The following AGBL4 variants were observed in gnomAD, a reference collection of about 807,000 sequenced individuals.
AGBL4 encodes the protein cytosolic carboxypeptidase 6.
Under a neutral mutation model 66.4 loss-of-function variants are expected in AGBL4, and 58 were observed. The ratio of observed to expected loss-of-function variants is 0.87; its 90% CI spans 0.71 to 1.09. The LOEUF (loss-of-function observed/expected upper bound fraction) is 1.09, where lower values mean the gene tolerates loss of function less well. Among genes scored for constraint, AGBL4 ranks in the 50% least tolerant of loss-of-function variants. The pLI, the probability that AGBL4 is intolerant of heterozygous loss-of-function variation, is 0.00. For synonymous variants in AGBL4, 234 were observed against 222.9 expected (o/e 1.05, Z -0.44); for missense variants, 579 against 631.0 (o/e 0.92, Z 0.88).
At chr1:48,959,228 G>A (rs1657752330) in intron 5 of AGBL4, among the ~76,000 whole-genome samples, 1 of 152,060 alleles carries the variant, frequency 6.6e-6, no homozygotes, top group Non-Finnish European at 1.5e-5. Flanking sequence ...GCATAAATTG[G>A]AGATTATAAT....
chr1:48,602,137 T>C (rs76373270), intron 9 of AGBL4, among the ~76,000 whole-genome samples: 4,681 of 152,176 alleles, frequency 0.031, 168 homozygotes, highest in African/African-American at 0.095. Context: ...TCTCAGGAGA[T>C]TGCTAGCTGG....
intron 6 of AGBL4, among the ~76,000 whole-genome samples, chr1:48,832,896 C>A (rs1444962118): frequency 6.6e-6 from 1 of 152,158 alleles, no homozygotes; most frequent in East Asian, 1.9e-4. Context: ...GTTCTCAGAC[C>A]TTTGGACTTG....
chr1:49,685,689 T>G (rs922395015), intron 3 of AGBL4, among the ~76,000 whole-genome samples: 5 of 152,180 alleles, frequency 3.3e-5, no homozygotes, highest in African/African-American at 1.2e-4. Flanking sequence ...TTGTTGGCCC[T>G]TTGTATGTCT....
At chr1:49,214,558 G>A (rs976201441) in intron 4 of AGBL4, among the ~76,000 whole-genome samples, 10 of 152,116 alleles carry the variant, frequency 6.6e-5, no homozygotes, top group African/African-American at 1.9e-4. Context: ...GTCTTATCCA[G>A]TCCTGTGGAA....
intron 5 of AGBL4, among the ~76,000 whole-genome samples, chr1:49,037,669 C>T (rs888094717): frequency 5.3e-5 from 8 of 152,068 alleles, no homozygotes; most frequent in South Asian, 2.1e-4. Flanking sequence ...CTTAAGACTT[C>T]GTTCACTCCC....
chr1:48,772,395 C>T (rs1644880012), intron 6 of AGBL4, among the ~76,000 whole-genome samples: 1 of 152,180 alleles, frequency 6.6e-6, no homozygotes, highest in South Asian at 2.1e-4. Context: ...CACATGTCTA[C>T]CTTCCCCACC....
At chr1:49,779,631 G>A (rs76514350) in intron 2 of AGBL4, among the ~76,000 whole-genome samples, 5,446 of 152,192 alleles carry the variant, frequency 0.036, 140 homozygotes, top group East Asian at 0.056. Context: ...ACATACACAC[G>A]AGTATGGCTG....
chr1:49,840,363 G>A (rs1421410690), intron 2 of AGBL4, among the ~76,000 whole-genome samples: 1 of 151,754 alleles, frequency 6.6e-6, no homozygotes, highest in Non-Finnish European at 1.5e-5. Context: ...TTTTTTCTTT[G>A]TTTATCTAGC....
chr1:49,797,778 T>C (rs1455587382), intron 2 of AGBL4, among the ~76,000 whole-genome samples: 1 of 152,068 alleles, frequency 6.6e-6, no homozygotes. Flanking sequence ...TTTTTTCTTT[T>C]CTTTTTTTTT....
intron 3 of AGBL4, among the ~76,000 whole-genome samples, chr1:49,458,175 A>G (rs946590434): frequency 6.6e-6 from 1 of 151,836 alleles, no homozygotes; most frequent in Non-Finnish European, 1.5e-5. Flanking sequence ...GATTGTACCC[A>G]TCAATTAGCA....
chr1:48,629,680 T>C (rs1337113717), intron 9 of AGBL4, among the ~76,000 whole-genome samples: 2 of 151,980 alleles, frequency 1.3e-5, no homozygotes, highest in Non-Finnish European at 2.9e-5. Context: ...CTGAAGCAAG[T>C]ATATGAAGAT....
At chr1:49,077,917 C>T (rs1055334787) in intron 4 of AGBL4, among the ~76,000 whole-genome samples, 2 of 152,036 alleles carry the variant, frequency 1.3e-5, no homozygotes, top group African/African-American at 4.8e-5. Context: ...TAACAGTCAG[C>T]ATTTATTAAG....
chr1:48,775,478 GTCACT>G (rs900136322), intron 6 of AGBL4, among the ~76,000 whole-genome samples: 17 of 152,122 alleles, frequency 1.1e-4, no homozygotes, highest in Non-Finnish European at 1.2e-4. Flanking sequence ...TCTTCATTCA[GTCACT>G]AACCCTTCGT....
At chr1:49,334,234 G>A (rs1032355069) in intron 3 of AGBL4, among the ~76,000 whole-genome samples, 7 of 152,158 alleles carry the variant, frequency 4.6e-5, no homozygotes, top group African/African-American at 1.2e-4. Context: ...GCATAACAAA[G>A]TGAAAGGGAA....
intron 3 of AGBL4, among the ~76,000 whole-genome samples, chr1:49,663,219 G>A (rs1227702102): frequency 1.3e-5 from 2 of 152,080 alleles, no homozygotes; most frequent in African/African-American, 2.4e-5. Flanking sequence ...GAGACAACTT[G>A]CTGTCCACCA....
intron 2 of AGBL4, among the ~76,000 whole-genome samples, chr1:49,775,415 A>T (rs1386081337): frequency 1.3e-5 from 2 of 152,144 alleles, no homozygotes; most frequent in Non-Finnish European, 2.9e-5. Flanking sequence ...TTAATGAGTA[A>T]TGGGATCCAA....
chr1:49,618,777 C>G (rs751818642), intron 3 of AGBL4, among the ~76,000 whole-genome samples: 1 of 152,202 alleles, frequency 6.6e-6, no homozygotes, highest in South Asian at 2.1e-4. Context: ...CCACCATGAT[C>G]AAGTTGGCTT....
chr1:48,721,764 G>C (rs1647153780), intron 6 of AGBL4, among the ~76,000 whole-genome samples: 1 of 152,178 alleles, frequency 6.6e-6, no homozygotes, highest in Admixed American at 6.5e-5. Flanking sequence ...CTGAGTTGTG[G>C]TGACCCCAGG....
chr1:48,785,008 A>G (rs1645378122), intron 6 of AGBL4, among the ~76,000 whole-genome samples: 1 of 152,232 alleles, frequency 6.6e-6, no homozygotes, highest in South Asian at 2.1e-4. Flanking sequence ...TTAGGGGCCA[A>G]CTAGTTTGAG....
Sources: gnomAD v4.1 joint callset for allele counts (sites outside exome capture counted in the v4.1 genomes callset) on GRCh38, gnomAD v4.1.1 for gene constraint, MANE v1.5 for transcripts, NCBI Gene and HGNC (gene_info 2026-07-23, HGNC 2026-07-21) for gene names.